The following WDR7 variants were observed in gnomAD, a reference collection of about 807,000 sequenced individuals.
The protein encoded by WDR7 is WD repeat-containing protein 7.
WDR7 carries 46 observed loss-of-function variants against 169.4 expected under a neutral mutation model. The ratio of observed to expected loss-of-function variants is 0.27; its 90% CI spans 0.21 to 0.35. The LOEUF (loss-of-function observed/expected upper bound fraction) is 0.35. WDR7 is among the 10% of genes least tolerant of loss of function. The pLI, the probability that WDR7 is intolerant of heterozygous loss-of-function variation, is 1.00. For missense variants in WDR7, 1,534 were observed against 1,859.3 expected (o/e 0.83, Z 3.22); for synonymous variants, 612 against 666.8 (o/e 0.92, Z 1.27).
At chr18:56,965,836 T>C (rs2047401507) in intron 26 of WDR7, among the ~76,000 whole-genome samples, 1 of 152,084 alleles carries the variant, frequency 6.6e-6, no homozygotes, top group Non-Finnish European at 1.5e-5. Context: ...TAAGGATAAC[T>C]AGAAATTTGT....
chr18:56,792,852 C>G (rs1300390882), intron 19 of WDR7, among the ~76,000 whole-genome samples: 1 of 151,916 alleles, frequency 6.6e-6, no homozygotes, highest in African/African-American at 2.4e-5. Context: ...AGAGTTAATA[C>G]AATCTTTCCC....
chr18:56,905,647 T>A (rs1599145752), intron 21 of WDR7, among the ~76,000 whole-genome samples: 1 of 150,492 alleles, frequency 6.6e-6, no homozygotes, highest in South Asian at 2.1e-4. Context: ...ATATATCATA[T>A]GAAATTATAC....
At chr18:56,793,678 T>C (rs1186221905) in intron 19 of WDR7, among the ~76,000 whole-genome samples, 1 of 152,184 alleles carries the variant, frequency 6.6e-6, no homozygotes, top group African/African-American at 2.4e-5. Flanking sequence ...CATAGCCCTG[T>C]GGTATGCATA....
At chr18:56,821,873 C>T (rs534414015) in intron 20 of WDR7, among the ~76,000 whole-genome samples, 9 of 152,178 alleles carry the variant, frequency 5.9e-5, no homozygotes, top group Admixed American at 3.9e-4. Flanking sequence ...GTGGTGCGCA[C>T]CTGTGGTCCC....
At chr18:56,795,458 C>A (rs926936548) in intron 19 of WDR7, among the ~76,000 whole-genome samples, 2 of 152,124 alleles carry the variant, frequency 1.3e-5, no homozygotes, top group Non-Finnish European at 2.9e-5. Flanking sequence ...ATATAAAATA[C>A]TTTGAGTTTA....
chr18:56,820,359 A>AAAAAAAAAAAAAAAAAAAAAAAAAAAAAC (rs1044771844), intron 20 of WDR7, among the ~76,000 whole-genome samples: 4 of 127,464 alleles, frequency 3.1e-5, no homozygotes, highest in African/African-American at 1.1e-4. Flanking sequence ...AAAAAAAAAA[A>AAAAAAAAAAAAAAAAAAAAAAAAAAAAAC]AAAAACCACC....
chr18:56,887,225 A>G (rs960457909), intron 21 of WDR7, among the ~76,000 whole-genome samples: 15 of 138,246 alleles, frequency 1.1e-4, no homozygotes, highest in African/African-American at 5.3e-4. Flanking sequence ...AAGTTGAACT[A>G]TATGGAAAGG....
At chr18:56,886,156 A>G (rs1462801667) in intron 21 of WDR7, among the ~76,000 whole-genome samples, 2 of 152,214 alleles carry the variant, frequency 1.3e-5, no homozygotes, top group African/African-American at 2.4e-5. Context: ...CAAAAAGATC[A>G]TGACCTAGGC....
In WDR7 at chr18:56,653,006, G is replaced by A. The variant is rs537707237; in HGVS notation, c.-20+1430G>A. 2.0e-5 allele frequency among the ~76,000 whole-genome samples: 3 copies of A among 152,244 alleles called. No homozygotes were observed. The South Asian group carries it at 6.2e-4, about 32-fold the overall frequency. ...GTGGTTTCTCCATGTAACACACTTA[G>A]CATCGAAAATCTTCAAAGTAGTGAG... On this transcript the variant is annotated intron_variant, in intron 1 of 27. Transcript: ENST00000254442.
chr18:56,657,438 C>T (rs1384403483), intron 1 of WDR7, among the ~76,000 whole-genome samples: 1 of 152,146 alleles, frequency 6.6e-6, no homozygotes, highest in East Asian at 1.9e-4. Flanking sequence ...CGTGAGCCAC[C>T]ATGCCTGGCA....
intron 13 of WDR7, among the ~76,000 whole-genome samples, chr18:56,726,815 G>T (rs949209218): frequency 6.6e-6 from 1 of 152,100 alleles, no homozygotes; most frequent in Non-Finnish European, 1.5e-5. Flanking sequence ...TGAATTTGAG[G>T]TTTCCATTCT....
intron 20 of WDR7, among the ~76,000 whole-genome samples, chr18:56,823,551 G>A (rs1006780153): frequency 2.6e-5 from 4 of 151,984 alleles, no homozygotes; most frequent in African/African-American, 7.3e-5. Flanking sequence ...ACATCCCTGC[G>A]CTCCAGCCTG....
chr18:57,019,482 C>A (rs760960675), intron 26 of WDR7, among the ~76,000 whole-genome samples: 3 of 152,138 alleles, frequency 2.0e-5, no homozygotes, highest in Non-Finnish European at 2.9e-5. Context: ...CATCAATGCT[C>A]TCTCCCTGCC....
chr18:56,790,852 T>C (rs1325944348), intron 19 of WDR7, among the ~76,000 whole-genome samples: 1 of 151,820 alleles, frequency 6.6e-6, no homozygotes, highest in African/African-American at 2.4e-5. Context: ...TACACAAACA[T>C]AAAGAAAAAT....
At chr18:56,952,983 A>G (rs1193527803) in intron 25 of WDR7, among the ~76,000 whole-genome samples, 1 of 152,244 alleles carries the variant, frequency 6.6e-6, no homozygotes, top group Non-Finnish European at 1.5e-5. Flanking sequence ...TATGATACAT[A>G]TGATACTCTA....
chr18:56,854,761 GA>G (rs772128112), intron 20 of WDR7, among the ~76,000 whole-genome samples: 10 of 152,086 alleles, frequency 6.6e-5, no homozygotes, highest in Non-Finnish European at 1.0e-4. Flanking sequence ...ATTTTTTCAT[GA>G]CCAGCTCCAA....
intron 19 of WDR7, among the ~76,000 whole-genome samples, chr18:56,801,653 C>T (rs1325877442): frequency 6.6e-6 from 1 of 152,138 alleles, no homozygotes; most frequent in Non-Finnish European, 1.5e-5. Context: ...ATCTGTTTTC[C>T]ATCCTTACAG....
chr18:56,654,391 A>C (rs1225310512), intron 1 of WDR7, among the ~76,000 whole-genome samples: 1 of 152,142 alleles, frequency 6.6e-6, no homozygotes, highest in Non-Finnish European at 1.5e-5. Context: ...CAGCCTCCCA[A>C]AGTGCTGGGA....
Position 56,948,012 on chromosome 18 carries a change from G to A in WDR7, c.4064+8619G>A, listed in dbSNP as rs192253775. ...TATGATCTTGAGGTCTGGTAGTGGC[G>A]TAATGCATGACAAATAAAGGATTAG... On this transcript the variant is annotated intron_variant, in intron 25 of 27. Coordinates refer to ENST00000254442, the MANE Select transcript of WDR7 (RefSeq NM_015285.3). Among the ~76,000 whole-genome samples, 37 of 152,014 alleles carry A rather than the reference G, an allele frequency of 2.4e-4. No individual in the cohort carries two copies. In the East Asian group the frequency reaches 4.8e-3, roughly 20 times the overall value.
Sources: gnomAD v4.1 joint callset for allele counts (sites outside exome capture counted in the v4.1 genomes callset) on GRCh38, gnomAD v4.1.1 for gene constraint, MANE v1.5 for transcripts, NCBI Gene and HGNC (gene_info 2026-07-23, HGNC 2026-07-21) for gene names.